ASAP2: variants seen among roughly 807,000 people sequenced by gnomAD.
ASAP2 encodes arf-GAP with SH3 domain, ANK repeat and PH domain-containing protein 2.
In ASAP2, 45 loss-of-function variants were observed where a neutral mutation model predicts 131.4. That is an observed-to-expected ratio of 0.34 (90% CI 0.27 to 0.44). ASAP2 has a LOEUF of 0.44. Among genes scored for constraint, ASAP2 ranks in the 20% least tolerant of loss-of-function variants. The probability of loss-of-function intolerance (pLI) is 1.00; values close to 1 mark genes in which losing one functional copy is unlikely to be tolerated. For missense variants in ASAP2, 1,011 were observed against 1,297.0 expected (o/e 0.78, Z 3.39); for synonymous variants, 510 against 503.0 (o/e 1.01, Z -0.19).
chr2:9,386,943 G>A lies in ASAP2; in HGVS notation c.2131-1351G>A, dbSNP rs555068012. On this transcript the variant is annotated intron_variant, in intron 21 of 27. Transcript: ENST00000281419. ...TGACCGGCCGAGCGCGGGGGCTCAC[G>A]CCTGTAATCCCAGCACTTTGGGAGG... 3.3e-5 allele frequency among the ~76,000 whole-genome samples: 5 copies of A among 152,296 alleles called. No individual in the cohort carries two copies. In the South Asian group the frequency reaches 1.0e-3, roughly 32 times the overall value.
At chr2:9,306,109 G>T (rs2148440656) in intron 3 of ASAP2, among the ~76,000 whole-genome samples, 1 of 144,234 alleles carries the variant, frequency 6.9e-6, no homozygotes. Flanking sequence ...GCTGTGAGGG[G>T]TGTATATATT....
intron 2 of ASAP2, among the ~76,000 whole-genome samples, chr2:9,288,740 G>A (rs1179260990): frequency 1.3e-5 from 2 of 152,084 alleles, no homozygotes; most frequent in Non-Finnish European, 2.9e-5. Flanking sequence ...ACACCTTGGG[G>A]TAGCCTGTCT....
At chr2:9,355,185 A>C (rs1487230759) in intron 12 of ASAP2, among the ~76,000 whole-genome samples, 1 of 152,228 alleles carries the variant, frequency 6.6e-6, no homozygotes. Context: ...AGATTTTACC[A>C]GTTTTCCCCC....
At chr2:9,313,115 T>C (rs1669415405) in intron 3 of ASAP2, among the ~76,000 whole-genome samples, 1 of 151,948 alleles carries the variant, frequency 6.6e-6, no homozygotes. Context: ...CCCACTAGGC[T>C]GCGGGCCCTG....
intron 1 of ASAP2, among the ~76,000 whole-genome samples, chr2:9,275,209 A>G (rs1217071421): frequency 6.6e-6 from 1 of 151,564 alleles, no homozygotes; most frequent in Admixed American, 6.6e-5. Flanking sequence ...GCCTGGGATT[A>G]CAGGTGCATG....
At chr2:9,315,276 G>T (rs1669578629) in intron 3 of ASAP2, among the ~76,000 whole-genome samples, 1 of 152,206 alleles carries the variant, frequency 6.6e-6, no homozygotes, top group South Asian at 2.1e-4. Flanking sequence ...AGTGGGGCAG[G>T]CAGAGACTAG....
intron 3 of ASAP2, among the ~76,000 whole-genome samples, chr2:9,315,404 C>T (rs1337157640): frequency 1.3e-5 from 2 of 152,096 alleles, no homozygotes; most frequent in African/African-American, 4.8e-5. Flanking sequence ...GACGGGTCTG[C>T]GTATGTAGGG....
At position 9,325,024 on chromosome 2, in the gene ASAP2, A is replaced by G. The variant is rs1475340007; in HGVS notation, c.600+1774A>G. ...TCCTTTACCGCCTTGTTTTTCATTG[A>G]GAGAATGTTTAGAGATATTCACTAG... On this transcript the variant is annotated intron_variant, in intron 6 of 27. Transcript: ENST00000281419. Among the ~76,000 whole-genome samples the G allele has an allele frequency of 2.6e-5, 4 of 151,994 alleles. No individual in the cohort carries two copies. The East Asian group carries it at 7.7e-4, about 29-fold the overall frequency.
At chr2:9,237,514 C>T (rs190706592) in intron 1 of ASAP2, among the ~76,000 whole-genome samples, 2 of 151,722 alleles carry the variant, frequency 1.3e-5, no homozygotes, top group African/African-American at 4.8e-5. Flanking sequence ...TAGGCTCCAG[C>T]AATCTTCCCA....
In ASAP2 at chr2:9,400,809, C is replaced by G. The variant is rs759475473; in HGVS notation, c.2802C>G (p.Pro934=). The G allele has an allele frequency of 1.2e-5, 19 of 1,613,512 alleles. No homozygotes were observed. In the African/African-American group the frequency reaches 2.0e-4, roughly 17 times the overall value. ...CTATGGTCCTGCAGCCCCCTGCACC[C>G]ATGCCTAGGAAGTCGCAGGCAGTAA... The part of the protein sequence containing the change: ...SNAMVLQPPA[P]MPRKSQATKL... The change falls in exon 26 of 28, where the codon CCC becomes CCG. Residue 934 remains proline (P), a synonymous_variant. Transcript: ENST00000281419.
chr2:9,249,638 C>T (rs552241062), intron 1 of ASAP2, among the ~76,000 whole-genome samples: 1 of 152,226 alleles, frequency 6.6e-6, no homozygotes, highest in Non-Finnish European at 1.5e-5. Flanking sequence ...GTGGAGCACC[C>T]ACACTGTCGT....
At chr2:9,390,171 G>T (rs1675610713) in intron 22 of ASAP2, among the ~76,000 whole-genome samples, 1 of 152,022 alleles carries the variant, frequency 6.6e-6, no homozygotes. Context: ...TCTTCTTCCA[G>T]TAATGTAGGT....
Position 9,371,215 on chromosome 2 carries a change from G to A in ASAP2, c.1556+2696G>A, listed in dbSNP as rs577493426. Among the ~76,000 whole-genome samples the A allele has an allele frequency of 1.1e-4, 16 of 152,292 alleles. 2 individuals carry two copies. Among genetic ancestry groups the A allele is most frequent in the Admixed American group, 4.6e-4 (7 of 15,306 alleles). On this transcript the variant is annotated intron_variant, in intron 16 of 27. Transcript: ENST00000281419. ...TTTTCAAAATGAGGGCGGATGACCC[G>A]TGTGATGGCGAAACATCAGCTACTT...
At chr2:9,255,168 A>C (rs945574801) in intron 1 of ASAP2, among the ~76,000 whole-genome samples, 3 of 152,220 alleles carry the variant, frequency 2.0e-5, no homozygotes, top group Non-Finnish European at 4.4e-5. Flanking sequence ...TAACTAATGA[A>C]ACCAGAATCT....
rs1249338768 is a variant in ASAP2, at chr2:9,403,298, G to A, written c.2992G>A (p.Val998Met). 6.2e-7 allele frequency: 1 copy of A among 1,614,084 alleles called. No individual in the cohort carries two copies. The highest frequency in any genetic ancestry group is 8.5e-7 in the Non-Finnish European group (1 of 1,180,004). The change falls in exon 28 of 28, where the codon GTG becomes ATG. Residue 998 changes from valine (V) to methionine (M), a missense_variant. Transcript: ENST00000281419. ...GDPGRKGAFPVSFVHFIAD is the reference protein window; with the variant it reads ...GDPGRKGAFPMSFVHFIAD ...TCCTGGTCGCAAAGGCGCATTCCCG[G>A]TGTCATTTGTGCACTTTATCGCTGA...
At chr2:9,249,309 CCTGT>C (rs375137493) in intron 1 of ASAP2, among the ~76,000 whole-genome samples, 53 of 152,342 alleles carry the variant, frequency 3.5e-4, no homozygotes, top group African/African-American at 1.2e-3. Flanking sequence ...CTGCCCGTGG[CCTGT>C]CTGTCTGCCC....
chr2:9,208,311 A>G (rs1480818022), intron 1 of ASAP2, among the ~76,000 whole-genome samples: 15 of 120,172 alleles, frequency 1.2e-4, no homozygotes, highest in African/African-American at 4.7e-4. Context: ...CAGGTGTTTT[A>G]GCAGAAGACG....
intron 3 of ASAP2, among the ~76,000 whole-genome samples, chr2:9,315,185 A>G (rs1669570595): frequency 6.6e-6 from 1 of 152,152 alleles, no homozygotes. Flanking sequence ...GATTGTGGAG[A>G]GTGTGAAATG....
chr2:9,334,674 C>A, intron 7 of ASAP2, 64 bp from the exon 8 acceptor site: 1 of 1,483,132 alleles, frequency 6.7e-7, no homozygotes, highest in Non-Finnish European at 9.4e-7. Flanking sequence ...AGTTTTTAAT[C>A]TGTCTGACAA....
Sources: allele counts gnomAD v4.1 joint callset (sites outside exome capture counted in the v4.1 genomes callset), GRCh38; gene constraint gnomAD v4.1.1; transcripts MANE v1.5; gene names NCBI Gene and HGNC (gene_info 2026-07-23, HGNC 2026-07-21).